The following MAGI1 variants were observed in gnomAD, a reference collection of about 807,000 sequenced individuals.
MAGI1 encodes membrane-associated guanylate kinase, WW and PDZ domain-containing protein 1.
In MAGI1, 58 loss-of-function variants were observed where a neutral mutation model predicts 139.9. That is an observed-to-expected ratio of 0.41 (90% CI 0.34 to 0.52). MAGI1 has a LOEUF of 0.52. MAGI1 is among the 20% of genes least tolerant of loss of function. The pLI is 0.12. For synonymous variants in MAGI1, 812 were observed against 737.9 expected, an observed-to-expected ratio of 1.10 and a Z score of -1.63; for missense variants, 1,874 against 1,901.6, an observed-to-expected ratio of 0.99 and a Z score of 0.27.
At chr3:65,518,261 T>C (rs1279368311) in intron 2 of MAGI1, among the ~76,000 whole-genome samples, 1 of 152,200 alleles carries the variant, frequency 6.6e-6, no homozygotes, top group Non-Finnish European at 1.5e-5. Flanking sequence ...TGCATAAGTC[T>C]ACCACGGCAC....
At chr3:65,362,929 T>C (rs960064815) in intron 21 of MAGI1, among the ~76,000 whole-genome samples, 13 of 152,228 alleles carry the variant, frequency 8.5e-5, no homozygotes, top group African/African-American at 3.1e-4. Context: ...TAAAAATCTG[T>C]AGCTCTTACT....
At chr3:65,790,252 A>C (rs1373531111) in intron 1 of MAGI1, among the ~76,000 whole-genome samples, 1 of 151,450 alleles carries the variant, frequency 6.6e-6, no homozygotes, top group African/African-American at 2.5e-5. Context: ...CATAGTGAGA[A>C]AAAAGGAAAA....
chr3:65,896,682 C>T (rs2108600028), intron 1 of MAGI1, among the ~76,000 whole-genome samples: 1 of 152,198 alleles, frequency 6.6e-6, no homozygotes. Flanking sequence ...AACAAACAAA[C>T]AAACAAACAA....
At chr3:65,777,642 C>CAAAAAAAAA (rs11415226) in intron 1 of MAGI1, among the ~76,000 whole-genome samples, 2 of 116,886 alleles carry the variant, frequency 1.7e-5, no homozygotes, top group African/African-American at 3.4e-5. Flanking sequence ...ACTCTTATCA[C>CAAAAAAAAA]AAAAAAAAAA....
intron 1 of MAGI1, among the ~76,000 whole-genome samples, chr3:65,869,243 G>C (rs1413730885): frequency 1.5e-5 from 2 of 129,464 alleles, no homozygotes; most frequent in African/African-American, 3.3e-5. Flanking sequence ...GTGACAGAGC[G>C]AGACTCCGTC....
chr3:65,689,530 G>A (rs2088385402), intron 1 of MAGI1, among the ~76,000 whole-genome samples: 1 of 152,156 alleles, frequency 6.6e-6, no homozygotes, highest in East Asian at 1.9e-4. Flanking sequence ...AATATCCTTC[G>A]GAATTAACTA....
intron 1 of MAGI1, chr3:66,008,878 G>C (rs182873014): frequency 6.6e-6 from 1 of 152,282 alleles, no homozygotes; most frequent in South Asian, 2.1e-4. Context: ...TAAGAACAGA[G>C]AGAAGCCCTG....
chr3:65,577,195 T>C (rs139723002), intron 2 of MAGI1, among the ~76,000 whole-genome samples: 18 of 152,242 alleles, frequency 1.2e-4, no homozygotes, highest in African/African-American at 4.3e-4. Flanking sequence ...AGAGCTGGAC[T>C]AGAGTGAAAC....
intron 1 of MAGI1, among the ~76,000 whole-genome samples, chr3:65,954,714 T>G (rs1205394080): frequency 6.6e-6 from 1 of 152,112 alleles, no homozygotes; most frequent in Non-Finnish European, 1.5e-5. Context: ...CTGCCACTTG[T>G]TGCTGGAGGA....
intron 13 of MAGI1, 67 bp downstream of exon 13, chr3:65,401,372 T>TGCCC: frequency 9.9e-5 from 77 of 778,084 alleles, no homozygotes; most frequent in Middle Eastern, 3.9e-4. Context: ...CAGAGTACCC[T>TGCCC]CCCACCTCCA....
chr3:65,388,425 G>A (rs561768159), intron 14 of MAGI1, among the ~76,000 whole-genome samples: 2 of 152,140 alleles, frequency 1.3e-5, no homozygotes, highest in East Asian at 1.9e-4. Flanking sequence ...TACTGTCTTG[G>A]GGGGAGGGGG....
rs981991878 is a variant in MAGI1 at position 65,354,641 on chromosome 3, T to C, written c.*1737A>G. On this transcript the variant is annotated 3_prime_UTR_variant, in exon 23 of 23. Transcript: ENST00000402939. ...AACTAAAGCTTTAGAGAATTACTTA[T>C]ATAGTCTCCCATTTTAAAACAACTT... The C allele has an allele frequency of 2.0e-5, 3 of 152,656 alleles. No individual in the cohort carries two copies. The highest frequency in any genetic ancestry group is 6.5e-5 in the Admixed American group (1 of 15,290). 9.5% of individuals were successfully genotyped at this position (152,656 alleles called of 1,614,324 possible).
chr3:65,607,393 A>T (rs2106896927), intron 2 of MAGI1, among the ~76,000 whole-genome samples: 1 of 152,240 alleles, frequency 6.6e-6, no homozygotes, highest in Admixed American at 6.5e-5. Context: ...TGTTAACAGA[A>T]GTGGTATCTT....
intron 1 of MAGI1, among the ~76,000 whole-genome samples, chr3:65,643,934 C>T (rs1490594913): frequency 3.3e-5 from 5 of 152,128 alleles, no homozygotes; most frequent in South Asian, 2.1e-4. Context: ...ACAGAATCTT[C>T]GACCCCATGG....
At chr3:65,739,907 G>C (rs770198406) in intron 1 of MAGI1, among the ~76,000 whole-genome samples, 6 of 152,068 alleles carry the variant, frequency 3.9e-5, no homozygotes, top group African/African-American at 1.4e-4. Context: ...TTACCAAAAC[G>C]TGACTCAAAG....
chr3:65,423,228 A>G (rs7641955), intron 12 of MAGI1, among the ~76,000 whole-genome samples: 1 of 152,220 alleles, frequency 6.6e-6, no homozygotes, highest in Non-Finnish European at 1.5e-5. Context: ...GCACTTAAGC[A>G]GTACAATGTA....
intron 12 of MAGI1, among the ~76,000 whole-genome samples, chr3:65,424,343 T>G (rs547100444): frequency 6.6e-6 from 1 of 152,326 alleles, no homozygotes; most frequent in South Asian, 2.1e-4. Context: ...GTTTAATTTA[T>G]TCAGCTATGA....
At chr3:65,552,144 G>A (rs771899737) in intron 2 of MAGI1, among the ~76,000 whole-genome samples, 6 of 152,184 alleles carry the variant, frequency 3.9e-5, no homozygotes, top group Non-Finnish European at 7.3e-5. Context: ...AAGGCTGAGG[G>A]TTAGGAGGCA....
intron 1 of MAGI1, among the ~76,000 whole-genome samples, chr3:65,834,518 C>T (rs370614641): frequency 6.6e-5 from 10 of 152,290 alleles, no homozygotes; most frequent in Non-Finnish European, 1.2e-4. Context: ...TCTTGGTATA[C>T]GATCTGTAGG....
Sources: gnomAD v4.1 joint callset for allele counts (sites outside exome capture counted in the v4.1 genomes callset) on GRCh38, gnomAD v4.1.1 for gene constraint, MANE v1.5 for transcripts, NCBI Gene and HGNC (gene_info 2026-07-23, HGNC 2026-07-21) for gene names.